RIT2: variants seen among roughly 807,000 people sequenced by gnomAD.
RIT2 encodes Ras like without CAAX 2.
A neutral mutation model predicts 23.7 loss-of-function variants in RIT2; 24 were observed. The observed-to-expected ratio is 1.01, with a 90% CI of 0.73 to 1.43. The LOEUF (loss-of-function observed/expected upper bound fraction) is 1.43. Among genes scored for constraint, RIT2 ranks in the 40% most tolerant of loss-of-function variants. The probability of loss-of-function intolerance (pLI) is 0.00; values close to 1 mark genes in which losing one functional copy is unlikely to be tolerated. For missense variants in RIT2, 236 were observed against 266.9 expected, an observed-to-expected ratio of 0.88 and a Z score of 0.81; for synonymous variants, 107 against 91.1, an observed-to-expected ratio of 1.17 and a Z score of -0.99.
chr18:42,825,532 T>A (rs1906271258), intron 4 of RIT2, among the ~76,000 whole-genome samples: 2 of 151,840 alleles, frequency 1.3e-5, no homozygotes, highest in Non-Finnish European at 2.9e-5. Context: ...ATTAAAAAAA[T>A]TTGTAGACTA....
chr18:42,849,735 T>C (rs2144034467), intron 4 of RIT2, among the ~76,000 whole-genome samples: 1 of 152,284 alleles, frequency 6.6e-6, no homozygotes, highest in South Asian at 2.1e-4. Flanking sequence ...TCACCTCATA[T>C]AAACCTAAAC....
chr18:42,769,942 G>A (rs1341979840), intron 4 of RIT2, among the ~76,000 whole-genome samples: 1 of 151,706 alleles, frequency 6.6e-6, no homozygotes, highest in Non-Finnish European at 1.5e-5. Flanking sequence ...TTAGGAAAAG[G>A]GCAGAGTGTC....
intron 2 of RIT2, among the ~76,000 whole-genome samples, chr18:43,008,483 G>A (rs539500162): frequency 7.3e-5 from 11 of 151,064 alleles, no homozygotes; most frequent in Middle Eastern, 3.4e-3. Flanking sequence ...AACTGGCAAA[G>A]TTCTACCTTA....
At chr18:43,076,767 C>T (rs527796872) in intron 1 of RIT2, among the ~76,000 whole-genome samples, 147 of 152,256 alleles carry the variant, frequency 9.7e-4, no homozygotes, top group African/African-American at 3.1e-3. Flanking sequence ...CTAAGAGAGA[C>T]ATTCAGATAG....
chr18:42,775,516 G>A (rs1324196885), intron 4 of RIT2, among the ~76,000 whole-genome samples: 2 of 152,000 alleles, frequency 1.3e-5, no homozygotes, highest in Non-Finnish European at 2.9e-5. Context: ...CTAACATGGT[G>A]AAGCCCCGTC....
intron 3 of RIT2, among the ~76,000 whole-genome samples, chr18:42,950,861 C>G (rs1476924000): frequency 6.6e-6 from 1 of 150,724 alleles, no homozygotes; most frequent in African/African-American, 2.4e-5. Context: ...CAATGAGATA[C>G]CATCTCACAC....
At chr18:43,071,304 T>C (rs1229635540) in intron 1 of RIT2, among the ~76,000 whole-genome samples, 2 of 152,212 alleles carry the variant, frequency 1.3e-5, no homozygotes, top group Admixed American at 1.3e-4. Context: ...GATGCTTTTA[T>C]TTCAACTCTA....
intron 1 of RIT2, among the ~76,000 whole-genome samples, chr18:43,056,447 G>A (rs1912504482): frequency 6.6e-6 from 1 of 152,086 alleles, no homozygotes; most frequent in Non-Finnish European, 1.5e-5. Context: ...TTATTGGGAA[G>A]CTTCCAGGAG....
intron 2 of RIT2, among the ~76,000 whole-genome samples, chr18:43,021,556 T>C (rs1457833309): frequency 6.6e-6 from 1 of 152,000 alleles, no homozygotes; most frequent in Non-Finnish European, 1.5e-5. Context: ...ATGGGGGTGG[T>C]TTCTCATGAA....
intron 2 of RIT2, among the ~76,000 whole-genome samples, chr18:43,003,843 T>C (rs1021320609): frequency 1.3e-5 from 2 of 150,640 alleles, no homozygotes; most frequent in Non-Finnish European, 3.0e-5. Flanking sequence ...ACCCAGGTTC[T>C]GAAAAATTGT....
intron 4 of RIT2, among the ~76,000 whole-genome samples, chr18:42,917,633 T>C (rs1908946446): frequency 6.6e-6 from 1 of 152,152 alleles, no homozygotes; most frequent in Non-Finnish European, 1.5e-5. Context: ...CATACCACAA[T>C]TCTGCTCAAA....
intron 3 of RIT2, among the ~76,000 whole-genome samples, chr18:42,971,495 G>C (rs189711914): frequency 5.3e-4 from 80 of 152,076 alleles, no homozygotes; most frequent in South Asian, 1.2e-3. Context: ...CCCACAATGA[G>C]GTAAGATTCT....
chr18:43,026,334 T>A (rs1480270299), intron 2 of RIT2, among the ~76,000 whole-genome samples: 2 of 151,916 alleles, frequency 1.3e-5, no homozygotes, highest in Admixed American at 6.6e-5. Context: ...CGCTGGTGGA[T>A]CACGAGATCA....
intron 4 of RIT2, among the ~76,000 whole-genome samples, chr18:42,813,956 G>C (rs1701559616): frequency 6.6e-6 from 1 of 152,168 alleles, no homozygotes; most frequent in African/African-American, 2.4e-5. Flanking sequence ...TCCCCACTGG[G>C]GAAACTGAAG....
chr18:43,111,129 G>A (rs1368074342), intron 1 of RIT2, among the ~76,000 whole-genome samples: 1 of 152,114 alleles, frequency 6.6e-6, no homozygotes, highest in African/African-American at 2.4e-5. Flanking sequence ...ATAAAAGAAT[G>A]AGATCCAGTC....
At chr18:42,942,110 A>T (rs540326216) in intron 3 of RIT2, among the ~76,000 whole-genome samples, 1 of 152,122 alleles carries the variant, frequency 6.6e-6, no homozygotes, top group Non-Finnish European at 1.5e-5. Context: ...AAGTAAAAAA[A>T]AAAAACAGTG....
chr18:42,899,426 C>T (rs1476293306), intron 4 of RIT2, among the ~76,000 whole-genome samples: 1 of 151,736 alleles, frequency 6.6e-6, no homozygotes, highest in African/African-American at 2.4e-5. Flanking sequence ...TTATTGTCTA[C>T]AGTGTCCCAT....
chr18:42,980,918 G>A (rs1291313765), intron 2 of RIT2, among the ~76,000 whole-genome samples: 1 of 152,152 alleles, frequency 6.6e-6, no homozygotes, highest in African/African-American at 2.4e-5. Context: ...CCAAATGACT[G>A]CTCTTCCCCA....
intron 1 of RIT2, among the ~76,000 whole-genome samples, chr18:43,063,812 G>A (rs1232118127): frequency 6.6e-6 from 1 of 152,158 alleles, no homozygotes; most frequent in East Asian, 1.9e-4. Context: ...ATGTCAGTAA[G>A]TCAAAAGTGG....
Sources: gnomAD v4.1 joint callset for allele counts (sites outside exome capture counted in the v4.1 genomes callset) on GRCh38, gnomAD v4.1.1 for gene constraint, MANE v1.5 for transcripts, NCBI Gene and HGNC (gene_info 2026-07-23, HGNC 2026-07-21) for gene names.